The following PCID2 variants were observed in gnomAD, a reference collection of about 807,000 sequenced individuals.
PCID2 encodes PCI domain-containing protein 2.
In PCID2, 41 loss-of-function variants were observed where a neutral mutation model predicts 61.3. The ratio of observed to expected loss-of-function variants is 0.67; its 90% CI spans 0.52 to 0.87. The LOEUF (loss-of-function observed/expected upper bound fraction) is 0.87. PCID2 is among the 40% of genes least tolerant of loss of function. The probability of loss-of-function intolerance (pLI) is 0.00; values close to 1 mark genes in which losing one functional copy is unlikely to be tolerated. For missense variants in PCID2, 392 were observed against 493.4 expected (o/e 0.79, Z 1.95); for synonymous variants, 187 against 177.8 (o/e 1.05, Z -0.41).
chr13:113,185,683 T>C (rs547983909), intron 7 of PCID2, 123 bp from the exon 8 acceptor site: 1 of 607,646 alleles, frequency 1.6e-6, no homozygotes, highest in East Asian at 2.8e-5. Flanking sequence ...GTCATATTCA[T>C]ATCAACTTAT....
chr13:113,195,645 C>T (rs2038959475), intron 5 of PCID2, among the ~76,000 whole-genome samples: 1 of 150,280 alleles, frequency 6.7e-6, no homozygotes, highest in African/African-American at 2.5e-5. Context: ...CCAGCCTCGG[C>T]GACTGAGCAA....
chr13:113,186,846 C>T (rs918414692), intron 7 of PCID2: 15 of 152,198 alleles, frequency 9.9e-5, no homozygotes, highest in Admixed American at 9.2e-4. Context: ...ATGATAAAAT[C>T]ACTCAAAGTC....
chr13:113,166,205 A>T, the PCID2 span: 2 of 152,246 alleles, frequency 1.3e-5, no homozygotes, highest in South Asian at 2.1e-4. Flanking sequence ...AGCCACAATA[A>T]TGTAAGTAAA....
At chr13:113,174,828 G>C (rs2037163859), downstream of PCID2, among the ~76,000 whole-genome samples, 1 of 152,220 alleles carries the variant, frequency 6.6e-6, no homozygotes, top group Non-Finnish European at 1.5e-5. Flanking sequence ...CACTTGGGCA[G>C]AGATTATTAA....
At position 113,183,754 on chromosome 13, in the gene PCID2, A is replaced by G. The variant is rs2037852251; in HGVS notation, c.685+592T>C. 9 of 984,934 alleles carry G rather than the reference A, an allele frequency of 9.1e-6. No homozygotes were observed. The South Asian group carries it at 3.8e-4, about 41-fold the overall frequency. The allele number at this position is 984,934 out of a possible 1,614,324, so 61.0% of individuals were successfully genotyped here. ...GTGACAGCCGATAAAAATTACAAAA[A>G]GAAGACTAGTTTCCTGTTCTTGAGA... On this transcript the variant is annotated intron_variant, in intron 9 of 13. Transcript: ENST00000337344.
Position 113,208,602 on chromosome 13 carries a change from C to G in PCID2, c.33G>C (p.Gln11His). 6.2e-7 allele frequency: 1 copy of G among 1,608,098 alleles called. No homozygotes were observed. Among genetic ancestry groups the G allele is most frequent in the Non-Finnish European group, 8.5e-7 (1 of 1,177,842 alleles). ...GCGCTCCCCGGCTAGGACCCACCTGCTGCAGGTACTGGTTAATGGTAATGT... is the reference window on the plus strand; with the variant it reads ...GCGCTCCCCGGCTAGGACCCACCTGGTGCAGGTACTGGTTAATGGTAATGT... MAHITINQYL[Q>H]QVYEAIDSRD... is the part of the protein sequence containing the mutation. The change falls in exon 1 of 14, where the codon CAG (glutamine) becomes CAC (histidine). Residue 11 changes from glutamine to histidine, a missense_variant. Physicochemically the swap from Gln to His is conservative, Grantham distance 24 (BLOSUM62 0). Around this residue, in one of 3 missense-constraint regions of PCID2, gnomAD observed 155 missense variants for 164.9 expected, o/e 0.94. Transcript: ENST00000337344.
intron 7 of PCID2, chr13:113,188,036 C>G (rs2138757892): frequency 6.6e-6 from 1 of 152,370 alleles, no homozygotes. Context: ...GGCCCACGCC[C>G]TGACGCACTT....
the PCID2 span, chr13:113,171,564 TA>T: frequency 6.2e-7 from 1 of 1,613,632 alleles, no homozygotes; most frequent in South Asian, 1.1e-5. This position sits in a 1 kb window ranked among gnomAD's most constrained non-coding sequence, Gnocchi z 5.1. Flanking sequence ...AATCAGACTG[TA>T]AAGAACTGAC....
chr13:113,189,125 C>A (rs2038380517), intron 7 of PCID2, among the ~76,000 whole-genome samples: 1 of 151,982 alleles, frequency 6.6e-6, no homozygotes, highest in Non-Finnish European at 1.5e-5. Flanking sequence ...TCCCAGACAG[C>A]TGGTTGTGGA....
chr13:113,165,187 A>G, the PCID2 span: 1 of 1,502,482 alleles, frequency 6.7e-7, no homozygotes. Flanking sequence ...TCATTTCCTA[A>G]ATAGAAATGT....
downstream of PCID2, among the ~76,000 whole-genome samples, chr13:113,174,590 G>C (rs2037161163): frequency 1.3e-5 from 2 of 152,140 alleles, no homozygotes; most frequent in African/African-American, 2.4e-5. Context: ...AACTTCCTGG[G>C]CTCAATTGAC....
intron 7 of PCID2, chr13:113,188,461 C>G (rs1230664275): frequency 6.6e-6 from 1 of 152,236 alleles, no homozygotes; most frequent in Non-Finnish European, 1.5e-5. Context: ...CTAAGACCAG[C>G]AGGATGCTAA....
intron 6 of PCID2, among the ~76,000 whole-genome samples, chr13:113,191,717 C>T (rs917477471): frequency 5.3e-5 from 8 of 152,148 alleles, no homozygotes; most frequent in African/African-American, 7.2e-5. Flanking sequence ...TCCACAAACC[C>T]GAGGCCTGCA....
Position 113,198,182 on chromosome 13 carries a change from A to T in PCID2, c.200+9T>A, listed in dbSNP as rs528297493. The T allele has an allele frequency of 1.0e-5, 16 of 1,581,968 alleles. No homozygotes were observed. In the South Asian group the frequency reaches 1.7e-4, roughly 17 times the overall value. ...ATGTGTGTGTTTTTCTTCCTCCCCA[A>T]CAGATTACCTTAAATGAGCTGCAAA... On this transcript the variant is annotated intron_variant, in intron 3 of 13. Coordinates refer to ENST00000337344, the MANE Select transcript of PCID2 (RefSeq NM_001127202.4).
the PCID2 span, chr13:113,171,786 G>T: frequency 6.2e-7 from 1 of 1,612,786 alleles, no homozygotes; most frequent in East Asian, 2.2e-5. The surrounding 1 kb of genome is among the most constrained non-coding windows in gnomAD (Gnocchi z 5.1). Context: ...CTCATCCCAC[G>T]CACCAGGGGC....
At chr13:113,184,227 C>A in intron 9 of PCID2, 119 bp downstream of exon 9, 1 of 980,820 alleles carries the variant, frequency 1.0e-6, no homozygotes, top group Non-Finnish European at 1.5e-6. Flanking sequence ...GTATATATAA[C>A]TTGGTCCACA....
the PCID2 span, among the ~76,000 whole-genome samples, chr13:113,171,377 G>GT: frequency 6.6e-6 from 1 of 152,162 alleles, no homozygotes; most frequent in Non-Finnish European, 1.5e-5. This position sits in a 1 kb window ranked among gnomAD's most constrained non-coding sequence, Gnocchi z 5.1. Flanking sequence ...AACCTTGACT[G>GT]TTTTTAAAGG....
At chr13:113,171,785 C>T in the PCID2 span, 51 of 1,612,790 alleles carry the variant, frequency 3.2e-5, no homozygotes, top group African/African-American at 1.6e-4. This position sits in a 1 kb window ranked among gnomAD's most constrained non-coding sequence, Gnocchi z 5.1. Context: ...CCTCATCCCA[C>T]GCACCAGGGG....
At chr13:113,180,306 G>A in intron 10 of PCID2, 75 bp from the exon 11 acceptor site, 1 of 1,188,878 alleles carries the variant, frequency 8.4e-7, no homozygotes, top group Non-Finnish European at 1.2e-6. Context: ...TCATATCAAG[G>A]AATTAAGTTT....
Sources: gnomAD v4.1 joint callset for allele counts (sites outside exome capture counted in the v4.1 genomes callset) on GRCh38, gnomAD v4.1.1 for gene constraint, gnomAD v4.1.1 regional missense constraint, Gnocchi (gnomAD v3.1) non-coding constraint, MANE v1.5 for transcripts, NCBI Gene and HGNC (gene_info 2026-07-23, HGNC 2026-07-21) for gene names.